AMELY: variants seen among roughly 807,000 people sequenced by gnomAD.
AMELY encodes the protein amelogenin Y-linked.
Under a neutral mutation model 4.2 loss-of-function variants are expected in AMELY, and 4 were observed. The ratio of observed to expected loss-of-function variants is 0.96; its 90% confidence interval spans 0.47 to 2.19. AMELY has a LOEUF of 2.19. AMELY is among the 30% of genes most tolerant of loss of function. The pLI is 0.02. For synonymous variants in AMELY, 11 were observed against 14.7 expected, an observed-to-expected ratio of 0.75 and a Z score of 0.57; for missense variants, 32 against 41.5, an observed-to-expected ratio of 0.77 and a Z score of 0.63.
intron 3 of AMELY, 149 bp from the exon 4 acceptor site, chrY:6,870,202 A>G (rs2054066656): frequency 3.0e-5 from 5 of 168,382 alleles, no homozygotes; most frequent in Non-Finnish European, 5.2e-5. Context: ...ATAGTACAGA[A>G]TATATTTGAG....
intron 2 of AMELY, among the ~76,000 whole-genome samples, chrY:6,873,004 T>C (rs2054069566): frequency 6.0e-5 from 2 of 33,255 alleles, no homozygotes; most frequent in African/African-American, 2.3e-4. Context: ...GGTAGGTATT[T>C]ACCCATTACT....
chrY:6,901,292 T>C (rs942761298), intron 1 of AMELY: 1 of 34,060 alleles, frequency 2.9e-5, no homozygotes, highest in Non-Finnish European at 7.4e-5. Flanking sequence ...AGCAAATATA[T>C]GATAAAGTAG....
chrY:6,872,642 G>C (rs1274661858), intron 2 of AMELY, 22 bp from the exon 3 acceptor site: 1 of 368,229 alleles, frequency 2.7e-6, no homozygotes, highest in Non-Finnish European at 3.9e-6. Flanking sequence ...ATCAGCAAGT[G>C]CTTTTCTCAT....
chrY:6,882,189 A>G (rs2054075391), intron 1 of AMELY, among the ~76,000 whole-genome samples: 1 of 33,288 alleles, frequency 3.0e-5, no homozygotes, highest in Non-Finnish European at 7.4e-5. Context: ...ACTTTCGACT[A>G]TACTGCAAGG....
At chrY:6,868,530 T>C (rs2054064762) in intron 5 of AMELY, 68 bp from the exon 6 acceptor site, 2 of 374,084 alleles carry the variant, frequency 5.3e-6, no homozygotes, top group African/African-American at 1.3e-4. Context: ...GCAGCAGTGT[T>C]GTCTTTGCCA....
chrY:6,886,399 G>A, intron 1 of AMELY, among the ~76,000 whole-genome samples: 1 of 33,836 alleles, frequency 3.0e-5, no homozygotes, highest in South Asian at 6.6e-4. Context: ...ATAGCTGGGT[G>A]CACTTATTCA....
chrY:6,872,491 G>A lies in AMELY; in HGVS notation c.54+64C>T, dbSNP rs965763284. The A allele has an allele frequency of 1.7e-5, 6 of 349,525 alleles. No homozygotes were observed. The African/African-American group carries it at 2.0e-4, about 12-fold the overall frequency. The allele number at this position is 349,525 out of a possible 400,897, so 87.2% of individuals were successfully genotyped here. ...TAAACCTTAAAGTTTCCCAGCTGGG[G>A]GACAAATTCTTATTTCCACGTTTGT... On this transcript the variant is annotated intron_variant, in intron 3 of 6. Transcript: ENST00000651267.
At chrY:6,902,014 C>T in intron 1 of AMELY, among the ~76,000 whole-genome samples, 2 of 33,070 alleles carry the variant, frequency 6.0e-5, no homozygotes, top group Non-Finnish European at 1.5e-4. Flanking sequence ...CATCACAAGT[C>T]CACACCTTGT....
intron 1 of AMELY, among the ~76,000 whole-genome samples, chrY:6,885,656 G>C: frequency 2.9e-5 from 1 of 34,143 alleles, no homozygotes; most frequent in Non-Finnish European, 7.3e-5. Flanking sequence ...ATTGGATAAA[G>C]AATATGTGAT....
chrY:6,897,817 C>T (rs745464088), intron 1 of AMELY, among the ~76,000 whole-genome samples: 212 of 31,291 alleles, frequency 6.8e-3, no homozygotes, highest in Admixed American at 0.017. Context: ...CAGAGTCTCA[C>T]TCTGTTACCA....
At chrY:6,869,913 T>C in intron 4 of AMELY, 93 bp downstream of exon 4, 1 of 314,432 alleles carries the variant, frequency 3.2e-6, no homozygotes, top group East Asian at 9.6e-5. Flanking sequence ...GAAACCACTT[T>C]ATTTGGGATG....
At chrY:6,890,015 G>A (rs2054082280) in intron 1 of AMELY, among the ~76,000 whole-genome samples, 1 of 31,542 alleles carries the variant, frequency 3.2e-5, no homozygotes, top group Non-Finnish European at 7.7e-5. Flanking sequence ...CCTCTGTTGT[G>A]GAAGAGTTCA....
chrY:6,905,297 G>A (rs2011659384), intron 1 of AMELY, among the ~76,000 whole-genome samples: 2 of 33,114 alleles, frequency 6.0e-5, no homozygotes, highest in Non-Finnish European at 1.5e-4. Flanking sequence ...ATCTTGACAA[G>A]TCTCACACCA....
chrY:6,884,989 G>C (rs2054078140), intron 1 of AMELY, among the ~76,000 whole-genome samples: 1 of 33,948 alleles, frequency 2.9e-5, no homozygotes, highest in Non-Finnish European at 7.3e-5. Flanking sequence ...AAAAAGTTCA[G>C]CATTTACTAA....
intron 1 of AMELY, among the ~76,000 whole-genome samples, chrY:6,898,306 G>A (rs779704442): frequency 3.0e-5 from 1 of 33,576 alleles, no homozygotes; most frequent in Non-Finnish European, 7.3e-5. Context: ...CAGTTTTAAG[G>A]TATTGGCTCA....
chrY:6,887,954 A>G (rs2054081098), intron 1 of AMELY, among the ~76,000 whole-genome samples: 1 of 33,482 alleles, frequency 3.0e-5, no homozygotes, highest in Admixed American at 2.8e-4. Context: ...TAGTGCTTCA[A>G]TAATTATATG....
intron 1 of AMELY, among the ~76,000 whole-genome samples, chrY:6,881,874 C>G: frequency 3.1e-5 from 1 of 32,551 alleles, no homozygotes; most frequent in African/African-American, 1.2e-4. Context: ...ATACAACTTA[C>G]AAAGGATGAG....
chrY:6,889,329 T>C (rs899003535), intron 1 of AMELY, among the ~76,000 whole-genome samples: 5 of 33,608 alleles, frequency 1.5e-4, no homozygotes, highest in African/African-American at 5.8e-4. Flanking sequence ...TTTTATGTAA[T>C]ACTAAAACAT....
chrY:6,888,454 G>A, intron 1 of AMELY, among the ~76,000 whole-genome samples: 1 of 33,363 alleles, frequency 3.0e-5, no homozygotes, highest in Non-Finnish European at 7.4e-5. Context: ...CCATGTGTCT[G>A]AATAACAGAG....
Sources: gnomAD v4.1 joint callset for allele counts (sites outside exome capture counted in the v4.1 genomes callset) on GRCh38, gnomAD v4.1.1 for gene constraint, MANE v1.5 for transcripts, NCBI Gene and HGNC (gene_info 2026-07-23, HGNC 2026-07-21) for gene names.